Variants in ACOT7 observed in about 807,000 individuals in gnomAD.
ACOT7 encodes cytosolic acyl coenzyme A thioester hydrolase.
A neutral mutation model predicts 40.2 loss-of-function variants in ACOT7; 12 were observed. That is an observed-to-expected ratio of 0.30 (90% CI 0.19 to 0.48). ACOT7 has a LOEUF of 0.48. Among genes scored for constraint, ACOT7 ranks in the 20% least tolerant of loss-of-function variants. ACOT7 has a pLI of 0.99. For missense variants in ACOT7, 395 were observed against 530.8 expected (o/e 0.74, Z 2.51); for synonymous variants, 228 against 219.5 (o/e 1.04, Z -0.34).
Position 6,306,530 on chromosome 1 carries a change from CGT to C in ACOT7, c.713-11552_713-11551del. 3 of 985,344 alleles carry C rather than the reference CGT, an allele frequency of 3.0e-6. No homozygotes were observed. The highest frequency in any genetic ancestry group is 3.6e-6 in the Non-Finnish European group (3 of 829,912). The allele number at this position is 985,344 out of a possible 1,614,324, so 61.0% of individuals were successfully genotyped here. A position where few individuals can be genotyped will look rare whatever the true frequency, so the allele number is the denominator to read the frequency against. On this transcript the variant is annotated intron_variant, in intron 6 of 8. Transcript: ENST00000361521. The surrounding 1 kb of genome is among the most constrained non-coding windows in gnomAD (Gnocchi z 4.3). ...TCCCCCGCTGAAGCATCAGGATGGA[CGT>C]GAAGCTGTTCTTCAGAACAGAAGAA...
chr1:6,363,811 C>T (rs765457535), intron 1 of ACOT7, among the ~76,000 whole-genome samples: 1 of 152,088 alleles, frequency 6.6e-6, no homozygotes, highest in African/African-American at 2.4e-5. Flanking sequence ...GGTAGTTGTC[C>T]CCCGGGCCCA....
intron 1 of ACOT7, among the ~76,000 whole-genome samples, chr1:6,368,308 G>C (rs980557098): frequency 2.0e-5 from 3 of 152,124 alleles, no homozygotes; most frequent in Non-Finnish European, 4.4e-5. Context: ...ATGCCTGTTG[G>C]TGCCCAAAGT....
chr1:6,287,873 C>G (rs12130620), intron 7 of ACOT7, among the ~76,000 whole-genome samples: 1 of 152,218 alleles, frequency 6.6e-6, no homozygotes, highest in Non-Finnish European at 1.5e-5. Context: ...AGTGAACTGA[C>G]TTAGTATTTC....
Position 6,372,554 on chromosome 1 carries a change from C to CTTTTTTTTTT in ACOT7, c.143+20693_143+20702dup, listed in dbSNP as rs563026803. Among the ~76,000 whole-genome samples, 25 of 128,574 alleles carry CTTTTTTTTTT rather than the reference C, an allele frequency of 1.9e-4. 1 individual carries two copies. The highest frequency in any genetic ancestry group is 6.9e-4 in the African/African-American group (23 of 33,446). 84.3% of individuals were successfully genotyped at this position (128,574 alleles called of 152,430 possible). A position where few individuals can be genotyped will look rare whatever the true frequency, so the allele number is the denominator to read the frequency against. On this transcript the variant is annotated intron_variant, in intron 1 of 8. Transcript: ENST00000361521. ...AAGTTTAATCATGTCTAACTTTTGG[C>CTTTTTTTTTT]TTTTTTTTTTTTTTTTTTGAGAGTC...
chr1:6,354,227 A>G (rs1300725717), intron 1 of ACOT7, among the ~76,000 whole-genome samples: 3 of 152,074 alleles, frequency 2.0e-5, no homozygotes, highest in African/African-American at 7.2e-5. Flanking sequence ...CTGAGCACAC[A>G]TGGGTCAAGG....
In ACOT7 at chr1:6,352,981, C is replaced by A. The variant is rs528184642; in HGVS notation, c.144-3115G>T. Among the ~76,000 whole-genome samples the A allele has an allele frequency of 6.6e-6, 1 of 151,912 alleles. No homozygotes were observed. Among genetic ancestry groups the A allele is most frequent in the South Asian group, 2.1e-4 (1 of 4,812 alleles). On this transcript the variant is annotated intron_variant, in intron 1 of 8. Coordinates refer to ENST00000361521, the MANE Select transcript of ACOT7 (RefSeq NM_007274.4). The surrounding 1 kb of genome is among the most constrained non-coding windows in gnomAD (Gnocchi z 4.5). ...GCAAACTCCGTCTCCTGGGTTCAAG[C>A]GATTCCCCTGCCTCAGCCTTCCGAG...
chr1:6,304,056 G>A (rs1640046505), intron 6 of ACOT7, among the ~76,000 whole-genome samples: 1 of 152,160 alleles, frequency 6.6e-6, no homozygotes, highest in African/African-American at 2.4e-5. Context: ...CTACACACGA[G>A]CCCCCAGGCC....
chr1:6,264,441 GGA>G lies in ACOT7; in HGVS notation c.*154_*155del, dbSNP rs1638753685. On this transcript the variant is annotated 3_prime_UTR_variant, in exon 9 of 9. Transcript: ENST00000361521. ...TAAAGCTTTGGTGTGTAGGTTTGCA[GGA>G]GAGAGTACAGGTTAACACTGTGATA... 9.5e-6 allele frequency: 6 copies of G among 633,018 alleles called. No individual in the cohort carries two copies. Among genetic ancestry groups the G allele is most frequent in the Non-Finnish European group, 5.5e-6 (2 of 365,372 alleles). 39.2% of individuals were successfully genotyped at this position (633,018 alleles called of 1,614,324 possible). A position where few individuals can be genotyped will look rare whatever the true frequency, so the allele number is the denominator to read the frequency against.
intron 2 of ACOT7, among the ~76,000 whole-genome samples, chr1:6,348,143 T>C (rs1352795361): frequency 1.3e-5 from 2 of 152,002 alleles, no homozygotes; most frequent in Non-Finnish European, 2.9e-5. Flanking sequence ...GTGACTGAGC[T>C]GCACCGGAGC....
At chr1:6,344,217 G>A (rs930960040) in intron 2 of ACOT7, among the ~76,000 whole-genome samples, 9 of 152,322 alleles carry the variant, frequency 5.9e-5, no homozygotes, top group Admixed American at 5.9e-4. Flanking sequence ...TGCAGGCCAG[G>A]ATGTGAGGGG....
In ACOT7 at chr1:6,365,586, G is replaced by A. The variant is rs138685325; in HGVS notation, c.144-15720C>T. Among the ~76,000 whole-genome samples, 94 of 151,966 alleles carry A rather than the reference G, an allele frequency of 6.2e-4. 1 individual carries two copies. In the East Asian group the frequency reaches 0.015, roughly 25 times the overall value. ...AGATCGAGACCATCCTGGCTAACAC[G>A]GTGAAACCCCATCTCTACTAAAAAA... On this transcript the variant is annotated intron_variant, in intron 1 of 8. Transcript: ENST00000361521.
intron 7 of ACOT7, chr1:6,283,010 A>G (rs1571268125): frequency 2.3e-6 from 1 of 433,362 alleles, no homozygotes; most frequent in East Asian, 7.2e-5. Context: ...CAGGCCAAAA[A>G]GCAGGAACAA....
chr1:6,338,301 G>A lies in ACOT7; in HGVS notation c.418+1132C>T, dbSNP rs1270078240. Among the ~76,000 whole-genome samples, 1 of 152,180 alleles carries A rather than the reference G, an allele frequency of 6.6e-6. No homozygotes were observed. The highest frequency in any genetic ancestry group is 2.4e-5 in the African/African-American group (1 of 41,450). On this transcript the variant is annotated intron_variant, in intron 3 of 8. Transcript: ENST00000361521. The surrounding 1 kb of genome is among the most constrained non-coding windows in gnomAD (Gnocchi z 4.4). ...GCTGCGATCTCACAGGAGATGGCAGGGAACCCCCAAGGCCCCTAAAGTGGG... is the reference window on the plus strand; with the variant it reads ...GCTGCGATCTCACAGGAGATGGCAGAGAACCCCCAAGGCCCCTAAAGTGGG...
rs1331799967 is a variant in ACOT7, at chr1:6,393,500, C to T, written c.-101G>A. 1.1e-5 allele frequency: 12 copies of T among 1,066,102 alleles called. No individual in the cohort carries two copies. Among genetic ancestry groups the T allele is most frequent in the Non-Finnish European group, 1.3e-5 (11 of 844,620 alleles). 66.0% of individuals were successfully genotyped at this position (1,066,102 alleles called of 1,614,324 possible). A position where few individuals can be genotyped will look rare whatever the true frequency, so the allele number is the denominator to read the frequency against. On this transcript the variant is annotated 5_prime_UTR_variant, in exon 1 of 9. Transcript: ENST00000361521. ...TCCCCGCGCCGACCCCGCCCCCGCG[C>T]CGGCCCCACCCCGAGCCCCGCCTCC...
chr1:6,385,245 T>A (rs1238029993), intron 1 of ACOT7, among the ~76,000 whole-genome samples: 1 of 151,662 alleles, frequency 6.6e-6, no homozygotes, highest in Non-Finnish European at 1.5e-5. Context: ...CAGCCCAGGG[T>A]TGCCAGGTCA....
In ACOT7 at chr1:6,364,846, C is replaced by CAA. The variant is rs770975001; in HGVS notation, c.144-14982_144-14981dup. ...CTGGGGACAGAGCGAGACTCCATCTCAAAAAAAAAAAAAAAAAAAAAAAAA... is the reference window on the plus strand; with the variant it reads ...CTGGGGACAGAGCGAGACTCCATCTCAAAAAAAAAAAAAAAAAAAAAAAAAAA... On this transcript the variant is annotated intron_variant, in intron 1 of 8. Coordinates refer to ENST00000361521, the MANE Select transcript of ACOT7 (RefSeq NM_007274.4). Among the ~76,000 whole-genome samples, 61 of 37,542 alleles carry CAA rather than the reference C, an allele frequency of 1.6e-3. 2 individuals are homozygous for CAA. Among genetic ancestry groups the CAA allele is most frequent in the East Asian group, 4.0e-3 (4 of 992 alleles). The allele number at this position is 37,542 out of a possible 152,430, so 24.6% of individuals were successfully genotyped here. A position where few individuals can be genotyped will look rare whatever the true frequency, so the allele number is the denominator to read the frequency against.
rs560583453 is a variant in ACOT7, at chr1:6,269,660, A to G, written c.1015-4965T>C. On this transcript the variant is annotated intron_variant, in intron 8 of 8. Coordinates refer to ENST00000361521, the MANE Select transcript of ACOT7 (RefSeq NM_007274.4). ...GGCTCTGATGTGGCCCTGCTCTTTA[A>G]TATTTGCAGCAAACTCATCAGCCAG... Among the ~76,000 whole-genome samples, 38 of 152,342 alleles carry G rather than the reference A, an allele frequency of 2.5e-4. No individual in the cohort carries two copies. The South Asian group carries it at 7.7e-3, about 31-fold the overall frequency.
intron 6 of ACOT7, among the ~76,000 whole-genome samples, chr1:6,310,041 G>A (rs1490973939): frequency 1.3e-5 from 2 of 152,180 alleles, no homozygotes; most frequent in Non-Finnish European, 2.9e-5. Flanking sequence ...TCAGGGCACC[G>A]TTCACACGTC....
chr1:6,280,986 A>G, intron 8 of ACOT7, 116 bp downstream of exon 8: 1 of 1,393,396 alleles, frequency 7.2e-7, no homozygotes, highest in South Asian at 1.3e-5. Flanking sequence ...CCCTACTCTG[A>G]CCCCTACTGA....
Sources: allele counts gnomAD v4.1 joint callset (sites outside exome capture counted in the v4.1 genomes callset), GRCh38; gene constraint gnomAD v4.1.1; non-coding constraint Gnocchi (gnomAD v3.1); transcripts MANE v1.5; gene names NCBI Gene and HGNC (gene_info 2026-07-23, HGNC 2026-07-21).